FOXP1: variants seen among roughly 807,000 people sequenced by gnomAD.
FOXP1 encodes the protein forkhead box P1, also known as forkhead box protein P1.
A neutral mutation model predicts 98.2 loss-of-function variants in FOXP1; 15 were observed. That is an observed-to-expected ratio of 0.15 (90% CI 0.10 to 0.24). The LOEUF is 0.24. FOXP1 is among the 10% of genes least tolerant of loss of function. The probability of loss-of-function intolerance (pLI) is 1.00; values close to 1 mark genes in which losing one functional copy is unlikely to be tolerated. For missense variants in FOXP1, 633 were observed against 848.5 expected, an observed-to-expected ratio of 0.75 and a Z score of 3.15; for synonymous variants, 371 against 314.5, an observed-to-expected ratio of 1.18 and a Z score of -1.90.
At chr3:71,460,462 A>T (rs1228264478) in intron 3 of FOXP1, among the ~76,000 whole-genome samples, 1 of 150,988 alleles carries the variant, frequency 6.6e-6, no homozygotes, top group Non-Finnish European at 1.5e-5. Flanking sequence ...TTTGAGACAG[A>T]GTCTCACTCT....
At chr3:70,973,379 T>A (rs2036758024) in intron 17 of FOXP1, among the ~76,000 whole-genome samples, 1 of 152,148 alleles carries the variant, frequency 6.6e-6, no homozygotes, top group Admixed American at 6.5e-5. Context: ...GAACTCTCAA[T>A]GGCAAAATGA....
At chr3:71,495,749 C>A (rs1377305149) in intron 2 of FOXP1, among the ~76,000 whole-genome samples, 1 of 152,154 alleles carries the variant, frequency 6.6e-6, no homozygotes, top group Non-Finnish European at 1.5e-5. Context: ...CTATATTTTC[C>A]AGCCAATACC....
intron 5 of FOXP1, among the ~76,000 whole-genome samples, chr3:71,199,441 A>G (rs1219410994): frequency 6.6e-6 from 1 of 151,746 alleles, no homozygotes. Context: ...AAAAATATAT[A>G]TAGGCCTGGG....
chr3:71,469,246 G>C (rs1164335690), intron 3 of FOXP1, among the ~76,000 whole-genome samples: 2 of 152,104 alleles, frequency 1.3e-5, no homozygotes, highest in African/African-American at 4.8e-5. Flanking sequence ...TGTGGATACA[G>C]CTCCACCCAA....
At chr3:71,203,851 T>C (rs2063819543) in intron 5 of FOXP1, among the ~76,000 whole-genome samples, 1 of 152,002 alleles carries the variant, frequency 6.6e-6, no homozygotes. Context: ...AGAAAAATTC[T>C]CTTTCTCATT....
intron 12 of FOXP1, among the ~76,000 whole-genome samples, chr3:71,012,385 C>T (rs1352848858): frequency 1.3e-5 from 2 of 152,112 alleles, no homozygotes; most frequent in Non-Finnish European, 2.9e-5. Context: ...CAAAACAAAA[C>T]CCAATATCAC....
intron 3 of FOXP1, among the ~76,000 whole-genome samples, chr3:71,404,821 A>G (rs1310209519): frequency 6.6e-6 from 1 of 152,232 alleles, no homozygotes; most frequent in African/African-American, 2.4e-5. Flanking sequence ...AAAAGAGACT[A>G]ATCAATAGTA....
At chr3:71,464,333 A>G (rs1237498702) in intron 3 of FOXP1, among the ~76,000 whole-genome samples, 1 of 152,216 alleles carries the variant, frequency 6.6e-6, no homozygotes, top group Admixed American at 6.5e-5. Context: ...GCAGGTGACC[A>G]GCATCCCCAG....
intron 6 of FOXP1, chr3:71,130,694 A>G: frequency 6.4e-7 from 1 of 1,563,144 alleles, no homozygotes; most frequent in Non-Finnish European, 8.6e-7. Context: ...TGCCCTTTGT[A>G]GGCAACCTCA....
intron 6 of FOXP1, among the ~76,000 whole-genome samples, chr3:71,181,518 G>T (rs1340399531): frequency 2.0e-5 from 3 of 151,792 alleles, no homozygotes; most frequent in Non-Finnish European, 4.4e-5. Flanking sequence ...TGGTGGGTGG[G>T]TTTTCAACTC....
intron 20 of FOXP1, among the ~76,000 whole-genome samples, chr3:70,962,585 T>C (rs2033803229): frequency 6.6e-6 from 1 of 152,254 alleles, no homozygotes; most frequent in African/African-American, 2.4e-5. Flanking sequence ...AATGTTTGTT[T>C]CAAACTTTCA....
intron 6 of FOXP1, among the ~76,000 whole-genome samples, chr3:71,177,788 C>T (rs2108260928): frequency 6.6e-6 from 1 of 150,792 alleles, no homozygotes; most frequent in South Asian, 2.1e-4. Context: ...ATTATTACTT[C>T]TACTACTCTT....
At chr3:70,973,832 A>ACC (rs2036885280) in intron 17 of FOXP1, among the ~76,000 whole-genome samples, 1 of 17,910 alleles carries the variant, frequency 5.6e-5, no homozygotes, top group Non-Finnish European at 1.1e-4. Context: ...CGTTTTGCAC[A>ACC]CCGCCCCCCC....
intron 3 of FOXP1, among the ~76,000 whole-genome samples, chr3:71,392,830 T>C (rs1159579272): frequency 6.6e-6 from 1 of 152,208 alleles, no homozygotes; most frequent in Non-Finnish European, 1.5e-5. Context: ...AAGACTGTAA[T>C]AACTCTTTCC....
chr3:71,328,411 T>C (rs1056813073), intron 4 of FOXP1, among the ~76,000 whole-genome samples: 4 of 152,236 alleles, frequency 2.6e-5, no homozygotes, highest in Admixed American at 2.6e-4. Context: ...AGAAAGTGGG[T>C]TGATCCTGCC....
chr3:71,356,020 T>C (rs2078129216), intron 4 of FOXP1, among the ~76,000 whole-genome samples: 1 of 151,954 alleles, frequency 6.6e-6, no homozygotes, highest in Admixed American at 6.6e-5. Flanking sequence ...CAAGAGGATC[T>C]GTGGGGGACT....
At chr3:71,114,188 G>A (rs1285761438) in intron 6 of FOXP1, among the ~76,000 whole-genome samples, 2 of 152,216 alleles carry the variant, frequency 1.3e-5, no homozygotes, top group East Asian at 1.9e-4. Context: ...TATGACGGTA[G>A]TGTGTTCCTT....
chr3:71,158,099 G>GGAAGGAAGGAAGGAAGGAAGGAAT (rs2060918927), intron 6 of FOXP1, among the ~76,000 whole-genome samples: 1 of 25,794 alleles, frequency 3.9e-5, no homozygotes, highest in Non-Finnish European at 1.2e-4. Flanking sequence ...AAGGAAGGAA[G>GGAAGGAAGGAAGGAAGGAAGGAAT]GAAGGAAGGG....
chr3:71,344,255 C>T (rs1439020578), intron 4 of FOXP1, among the ~76,000 whole-genome samples: 1 of 152,180 alleles, frequency 6.6e-6, no homozygotes, highest in African/African-American at 2.4e-5. Flanking sequence ...TTTCCCCTAA[C>T]CCTAAAATGT....
Sources: gnomAD v4.1 joint callset for allele counts (sites outside exome capture counted in the v4.1 genomes callset) on GRCh38, gnomAD v4.1.1 for gene constraint, MANE v1.5 for transcripts, NCBI Gene and HGNC (gene_info 2026-07-23, HGNC 2026-07-21) for gene names.